ACVR1: variants seen among roughly 807,000 people sequenced by gnomAD.
The protein encoded by ACVR1 is activin A receptor type 1.
ACVR1 carries 38 observed loss-of-function variants against 57.1 expected under a neutral mutation model. The ratio of observed to expected loss-of-function variants is 0.67; its 90% CI spans 0.51 to 0.87. The LOEUF is 0.87. ACVR1 is among the 40% of genes least tolerant of loss of function. The pLI, the probability that ACVR1 is intolerant of heterozygous loss-of-function variation, is 0.00. For missense variants in ACVR1, 463 were observed against 638.2 expected (o/e 0.73, Z 2.96); for synonymous variants, 212 against 228.1 (o/e 0.93, Z 0.63).
At chr2:157,785,506 C>T (rs2105287945) in intron 3 of ACVR1, among the ~76,000 whole-genome samples, 1 of 152,290 alleles carries the variant, frequency 6.6e-6, no homozygotes, top group Non-Finnish European at 1.5e-5. Flanking sequence ...AAGCCAGCTC[C>T]TAAGACAGAG....
At chr2:157,853,875 C>T (rs1689413182) in intron 1 of ACVR1, among the ~76,000 whole-genome samples, 1 of 152,192 alleles carries the variant, frequency 6.6e-6, no homozygotes, top group Non-Finnish European at 1.5e-5. Context: ...CTCTACATTA[C>T]CAGGCTAACT....
At chr2:157,815,832 C>T (rs182243354) in intron 2 of ACVR1, among the ~76,000 whole-genome samples, 198 of 152,266 alleles carry the variant, frequency 1.3e-3, no homozygotes, top group South Asian at 2.9e-3. Flanking sequence ...AGCCGTGCAT[C>T]GTCTGCCTTG....
chr2:157,839,533 C>G (rs576712495), intron 1 of ACVR1, among the ~76,000 whole-genome samples: 1 of 152,186 alleles, frequency 6.6e-6, no homozygotes, highest in Non-Finnish European at 1.5e-5. Context: ...AAATGGAACA[C>G]GTGTTTTCAG....
chr2:157,843,834 A>G (rs1689048816), intron 1 of ACVR1, among the ~76,000 whole-genome samples: 3 of 152,340 alleles, frequency 2.0e-5, no homozygotes, highest in Admixed American at 1.3e-4. Flanking sequence ...GAGCCTGAAC[A>G]TACCAAAGGC....
intron 9 of ACVR1, among the ~76,000 whole-genome samples, chr2:157,751,464 G>C (rs950888041): frequency 2.0e-5 from 3 of 152,220 alleles, no homozygotes; most frequent in Non-Finnish European, 4.4e-5. Context: ...CCGAACTCAG[G>C]GGAGGGCAGG....
chr2:157,793,177 A>C (rs1686984111), intron 3 of ACVR1, among the ~76,000 whole-genome samples: 1 of 152,212 alleles, frequency 6.6e-6, no homozygotes, highest in African/African-American at 2.4e-5. Flanking sequence ...TGTCTTTATA[A>C]AAGAGAACAC....
At chr2:157,738,672 T>C in intron 9 of ACVR1, 102 bp from the exon 10 acceptor site, 2 of 1,561,892 alleles carry the variant, frequency 1.3e-6, no homozygotes, top group East Asian at 2.2e-5. Context: ...CAGAAGAAAA[T>C]ACTAATCACC....
intron 1 of ACVR1, among the ~76,000 whole-genome samples, chr2:157,851,884 C>G (rs1347713991): frequency 2.8e-4 from 1 of 3,628 alleles, no homozygotes; most frequent in Non-Finnish European, 2.3e-3. Flanking sequence ...CACACACACA[C>G]ACACACACAC....
At chr2:157,771,254 A>G in intron 6 of ACVR1, among the ~76,000 whole-genome samples, 1 of 152,200 alleles carries the variant, frequency 6.6e-6, no homozygotes, top group Non-Finnish European at 1.5e-5. Flanking sequence ...AGCTCCTGTG[A>G]TGCTACAAGT....
chr2:157,747,839 A>G (rs971396316), intron 9 of ACVR1, among the ~76,000 whole-genome samples: 3 of 152,190 alleles, frequency 2.0e-5, no homozygotes, highest in Admixed American at 6.5e-5. Flanking sequence ...CAAATTAGTC[A>G]TTGCCAAAGG....
chr2:157,855,325 C>T (rs143098216), intron 1 of ACVR1, among the ~76,000 whole-genome samples: 17,841 of 96,662 alleles, frequency 0.18, 2,576 homozygotes, highest in African/African-American at 0.45. Flanking sequence ...TATATATATA[C>T]ACACACACAC....
chr2:157,754,455 A>G (rs997451923), intron 9 of ACVR1, among the ~76,000 whole-genome samples: 3 of 152,178 alleles, frequency 2.0e-5, no homozygotes, highest in Non-Finnish European at 2.9e-5. Context: ...AATACAAAAG[A>G]TCATTCAAGG....
chr2:157,752,447 A>G lies in ACVR1; in HGVS notation c.1264+8433T>C, dbSNP rs190764809. 6.8e-4 allele frequency among the ~76,000 whole-genome samples: 104 copies of G among 152,336 alleles called. No individual in the cohort carries two copies. The East Asian group carries it at 0.015, about 21-fold the overall frequency. ...ACACTAGCTCACCCGCACTGGATCC[A>G]AACCAAGAAGAAGAAATTCCTGAAT... On this transcript the variant is annotated intron_variant, in intron 9 of 10. Transcript: ENST00000434821.
At chr2:157,782,640 C>T (rs1159794797) in intron 3 of ACVR1, among the ~76,000 whole-genome samples, 1 of 152,148 alleles carries the variant, frequency 6.6e-6, no homozygotes, top group African/African-American at 2.4e-5. Flanking sequence ...TGGCACAAAG[C>T]AGGCTGAGGG....
In ACVR1 at chr2:157,770,495, C is replaced by T. The variant is rs774136806; in HGVS notation, c.663G>A (p.Glu221=). 8.1e-6 allele frequency: 13 copies of T among 1,613,852 alleles called. No individual in the cohort carries two copies. In the East Asian group the frequency reaches 1.3e-4, roughly 17 times the overall value. ...LECVGKGRYG[E]VWRGSWQGEN... ...CCCCTTGCCAGCTGCCCCTCCACAC[C>T]TCACCATACCTGCCTTTCCCTATGA... The change falls in exon 7 of 11, where the codon GAG becomes GAA. Residue 221 remains glutamate (E), a synonymous_variant. Transcript: ENST00000434821.
At chr2:157,769,106 G>C (rs971907467) in intron 7 of ACVR1, among the ~76,000 whole-genome samples, 1 of 152,176 alleles carries the variant, frequency 6.6e-6, no homozygotes, top group African/African-American at 2.4e-5. Flanking sequence ...ATGTGAAAAG[G>C]ATAGTGAGTG....
chr2:157,769,688 T>C (rs1238731275), intron 7 of ACVR1, among the ~76,000 whole-genome samples: 2 of 152,190 alleles, frequency 1.3e-5, no homozygotes, highest in African/African-American at 4.8e-5. Context: ...ATATAAACTT[T>C]ATATCCACTA....
chr2:157,747,754 T>G (rs192576437), intron 9 of ACVR1, among the ~76,000 whole-genome samples: 2,781 of 151,688 alleles, frequency 0.018, 64 homozygotes, highest in African/African-American at 0.053. Context: ...GATTTGTGTG[T>G]GGGGGGGTGT....
At chr2:157,823,561 A>G (rs1324519969) in intron 1 of ACVR1, among the ~76,000 whole-genome samples, 1 of 152,220 alleles carries the variant, frequency 6.6e-6, no homozygotes, top group Non-Finnish European at 1.5e-5. Flanking sequence ...ACCAGGCCAA[A>G]GTGGAAATAC....
Sources: allele counts gnomAD v4.1 joint callset (sites outside exome capture counted in the v4.1 genomes callset), GRCh38; gene constraint gnomAD v4.1.1; transcripts MANE v1.5; gene names NCBI Gene and HGNC (gene_info 2026-07-23, HGNC 2026-07-21).